KCNG3: variants seen among roughly 807,000 people sequenced by gnomAD.
KCNG3 encodes potassium voltage-gated channel modifier subfamily G member 3.
KCNG3 carries 15 observed loss-of-function variants against 29.0 expected under a neutral mutation model. The ratio of observed to expected loss-of-function variants is 0.52; its 90% CI spans 0.35 to 0.80. The LOEUF (loss-of-function observed/expected upper bound fraction) is 0.80. KCNG3 is among the 30% of genes least tolerant of loss of function. The probability of loss-of-function intolerance (pLI) is 0.01; values close to 1 mark genes in which losing one functional copy is unlikely to be tolerated. For synonymous variants in KCNG3, 322 were observed against 248.9 expected (o/e 1.29, Z -2.76); for missense variants, 512 against 605.7 (o/e 0.85, Z 1.62).
chr2:42,459,455 T>A (rs965700502), intron 1 of KCNG3, among the ~76,000 whole-genome samples: 5 of 152,190 alleles, frequency 3.3e-5, no homozygotes, highest in Non-Finnish European at 7.3e-5. Flanking sequence ...ATGGCTTCAG[T>A]CTGAGTCTGT....
chr2:42,478,208 A>T (rs1369509329), intron 1 of KCNG3, among the ~76,000 whole-genome samples: 1 of 152,102 alleles, frequency 6.6e-6, no homozygotes, highest in Non-Finnish European at 1.5e-5. Flanking sequence ...TGTAAATTAC[A>T]TCTATCTATA....
chr2:42,455,779 T>C (rs959507623), intron 1 of KCNG3, among the ~76,000 whole-genome samples: 1 of 150,564 alleles, frequency 6.6e-6, no homozygotes, highest in Non-Finnish European at 1.5e-5. Flanking sequence ...TTAAAAAAAA[T>C]AAAAATTAAA....
the KCNG3 span, among the ~76,000 whole-genome samples, chr2:42,416,500 T>C: frequency 6.6e-6 from 1 of 151,816 alleles, no homozygotes; most frequent in African/African-American, 2.4e-5. Flanking sequence ...AAAGACAAAA[T>C]AACCAGATTT....
At chr2:42,411,956 T>C in the KCNG3 span, among the ~76,000 whole-genome samples, 1 of 152,228 alleles carries the variant, frequency 6.6e-6, no homozygotes, top group South Asian at 2.1e-4. Flanking sequence ...ATTCTAGATA[T>C]GATTTAGCTT....
chr2:42,414,224 G>C, the KCNG3 span, among the ~76,000 whole-genome samples: 1 of 152,142 alleles, frequency 6.6e-6, no homozygotes, highest in African/African-American at 2.4e-5. Flanking sequence ...TCTAGCCAAA[G>C]CAGTTTTTAG....
In KCNG3 at chr2:42,444,263, C is replaced by T; in HGVS notation, c.982G>A (p.Val328Ile). ...RCYREMVMLL[V>I]FICVAMAIFS... is the part of the protein sequence containing the mutation. ...ATTGCCATGGCAACACAAATGAAGA[C>T]AAGTAACATAACCATCTCTCGGTAG... is the stretch of plus-strand genomic sequence containing the variant. The change falls in exon 2 of 2, where the codon GTC (valine) becomes ATC (isoleucine). Residue 328 changes from valine (V) to isoleucine (I), a missense_variant. Physicochemically the swap from Val to Ile is conservative, Grantham distance 29. This residue lies in a region of KCNG3 where 173 missense variants were observed against 262.4 expected (regional missense o/e 0.66). Transcript: ENST00000306078. The surrounding 1 kb of genome is among the most constrained non-coding windows in gnomAD (Gnocchi z 5.8). The T allele has an allele frequency of 6.2e-7, 1 of 1,614,162 alleles. No individual in the cohort carries two copies. Among genetic ancestry groups the T allele is most frequent in the Non-Finnish European group, 8.5e-7 (1 of 1,180,024 alleles).
At chr2:42,393,745 G>C in the KCNG3 span, among the ~76,000 whole-genome samples, 1 of 152,116 alleles carries the variant, frequency 6.6e-6, no homozygotes, top group African/African-American at 2.4e-5. Context: ...AGGAAAGGCA[G>C]ATGGGCCAAA....
intron 1 of KCNG3, among the ~76,000 whole-genome samples, chr2:42,471,742 G>A (rs1673293573): frequency 6.6e-6 from 1 of 151,776 alleles, no homozygotes. Context: ...CATGAGGCTG[G>A]GTACAGTGGC....
the KCNG3 span, among the ~76,000 whole-genome samples, chr2:42,399,007 G>A: frequency 1.4e-4 from 21 of 148,112 alleles, no homozygotes; most frequent in African/African-American, 4.0e-4. Context: ...TCCCTGGCCC[G>A]TTTTTTAATA....
the KCNG3 span, among the ~76,000 whole-genome samples, chr2:42,408,734 C>T: frequency 6.6e-6 from 1 of 152,126 alleles, no homozygotes; most frequent in Non-Finnish European, 1.5e-5. Flanking sequence ...AGCACAAGAA[C>T]TCGGGACCAT....
At chr2:42,478,034 G>T (rs570678261) in intron 1 of KCNG3, among the ~76,000 whole-genome samples, 3 of 152,010 alleles carry the variant, frequency 2.0e-5, no homozygotes, top group Non-Finnish European at 4.4e-5. Context: ...GGAGAGCCTG[G>T]AGCCTTTACC....
chr2:42,449,229 C>G (rs565974460), intron 1 of KCNG3, among the ~76,000 whole-genome samples: 18 of 152,036 alleles, frequency 1.2e-4, no homozygotes, highest in Non-Finnish European at 2.4e-4. Flanking sequence ...GCTCCTCCAA[C>G]ATAAATTTTA....
chr2:42,397,733 A>G, the KCNG3 span, among the ~76,000 whole-genome samples: 1 of 152,192 alleles, frequency 6.6e-6, no homozygotes, highest in Non-Finnish European at 1.5e-5. Flanking sequence ...CTACTTGCTT[A>G]TATTTTCAAA....
intron 1 of KCNG3, among the ~76,000 whole-genome samples, chr2:42,452,941 CG>C (rs996545632): frequency 1.3e-5 from 2 of 152,074 alleles, no homozygotes; most frequent in African/African-American, 4.8e-5. Flanking sequence ...GCTACCATGC[CG>C]GGGTAATTTT....
chr2:42,460,243 G>C (rs1218997100), intron 1 of KCNG3, among the ~76,000 whole-genome samples: 1 of 151,454 alleles, frequency 6.6e-6, no homozygotes, highest in East Asian at 2.0e-4. Context: ...TGTAGCCCTA[G>C]CTACTCAGAA....
chr2:42,454,689 A>G (rs1672837944), intron 1 of KCNG3, among the ~76,000 whole-genome samples: 1 of 150,118 alleles, frequency 6.7e-6, no homozygotes, highest in African/African-American at 2.5e-5. Flanking sequence ...TGGGCGACAG[A>G]GCAAGACTCT....
Position 42,493,130 on chromosome 2 carries a change from G to A in KCNG3, c.372C>T (p.Tyr124=). 6.2e-7 allele frequency: 1 copy of A among 1,603,576 alleles called. No individual in the cohort carries two copies. Among genetic ancestry groups the A allele is most frequent in the Non-Finnish European group, 8.5e-7 (1 of 1,178,596 alleles). Residue 124 remains tyrosine (Y), a synonymous_variant, in exon 1 of 2, where the codon TAC becomes TAT. Coordinates refer to ENST00000306078, the MANE Select transcript of KCNG3 (RefSeq NM_133329.6). ...RRLDDRMSDT[Y]TFYSADEPGV... is the part of the protein sequence containing the mutation. ...CCGGCTCGTCGGCCGAGTAGAAGGT[G>A]TAGGTGTCGGACATGCGGTCGTCGA...
intron 1 of KCNG3, chr2:42,463,170 T>A (rs185519672): frequency 2.0e-5 from 7 of 346,526 alleles, no homozygotes; most frequent in Non-Finnish European, 3.3e-5. Context: ...ACCAAGCTCA[T>A]GGCCACCAGC....
At chr2:42,390,418 C>T in the KCNG3 span, among the ~76,000 whole-genome samples, 1 of 152,150 alleles carries the variant, frequency 6.6e-6, no homozygotes, top group African/African-American at 2.4e-5. Context: ...CTTCATTTTC[C>T]GTAGCTCTAC....
Sources: gnomAD v4.1 joint callset for allele counts (sites outside exome capture counted in the v4.1 genomes callset) on GRCh38, gnomAD v4.1.1 for gene constraint, gnomAD v4.1.1 regional missense constraint, Gnocchi (gnomAD v3.1) non-coding constraint, MANE v1.5 for transcripts, NCBI Gene and HGNC (gene_info 2026-07-23, HGNC 2026-07-21) for gene names.